The following RMC1 variants were observed in gnomAD, a reference collection of about 807,000 sequenced individuals.
RMC1 encodes the protein regulator of MON1-CCZ1 complex.
A neutral mutation model predicts 95.5 loss-of-function variants in RMC1; 44 were observed. The ratio of observed to expected loss-of-function variants is 0.46; its 90% CI spans 0.36 to 0.59. The LOEUF (loss-of-function observed/expected upper bound fraction) is 0.59, where lower values mean the gene tolerates loss of function less well. Among genes scored for constraint, RMC1 ranks in the 20% least tolerant of loss-of-function variants. RMC1 has a pLI of 0.00. For missense variants in RMC1, 705 were observed against 819.6 expected, an observed-to-expected ratio of 0.86 and a Z score of 1.71; for synonymous variants, 320 against 303.6, an observed-to-expected ratio of 1.05 and a Z score of -0.56.
intron 15 of RMC1, 104 bp from the exon 16 acceptor site, chr18:23,529,531 G>A: frequency 7.9e-7 from 1 of 1,264,630 alleles, no homozygotes; most frequent in Non-Finnish European, 1.1e-6. Context: ...GATGAACACT[G>A]GGCCATTTTA....
intron 14 of RMC1, 135 bp from the exon 15 acceptor site, chr18:23,529,044 G>A: frequency 3.6e-6 from 5 of 1,407,084 alleles, no homozygotes; most frequent in Non-Finnish European, 4.7e-6. Flanking sequence ...GGAAAAAGTT[G>A]TATCTAAGTA....
chr18:23,509,337 C>T lies in RMC1; in HGVS notation c.408+58C>T, dbSNP rs533183865. ...AAGTTCAGTGATAGCATTCTGGCAG[C>T]CTTTTGAATTCAGTACTGAATATAT... On this transcript the variant is annotated intron_variant, in intron 5 of 19. Coordinates refer to ENST00000269221, the MANE Select transcript of RMC1 (RefSeq NM_013326.5). 9 of 767,430 alleles carry T rather than the reference C, an allele frequency of 1.2e-5. No homozygotes were observed. The South Asian group carries it at 2.2e-4, about 19-fold the overall frequency. The allele number at this position is 767,430 out of a possible 1,614,324, so 47.5% of individuals were successfully genotyped here. A position where few individuals can be genotyped will look rare whatever the true frequency, so the allele number is the denominator to read the frequency against.
chr18:23,519,155 T>C lies in RMC1; in HGVS notation c.830T>C (p.Val277Ala). 1 of 1,614,064 alleles carries C rather than the reference T, an allele frequency of 6.2e-7. No individual in the cohort carries two copies. The highest frequency in any genetic ancestry group is 8.5e-7 in the Non-Finnish European group (1 of 1,179,938). The change falls in exon 9 of 20, where the codon GTG becomes GCG. Residue 277 changes from valine to alanine, a missense_variant. By Grantham distance (64) the Val-to-Ala change is moderately conservative. Transcript: ENST00000269221. ...ALNVVDNLVV[V>A]HHQDTETSVI... ...AACGTGGTGGACAACCTGGTAGTCG[T>C]GCATCATCAGGATACAGAGGTACAA...
chr18:23,515,949 C>T lies in RMC1; in HGVS notation c.502C>T (p.Leu168=). Residue 168 remains leucine, a synonymous_variant, in exon 6 of 20, where the codon CTG becomes TTG. Coordinates refer to ENST00000269221, the MANE Select transcript of RMC1 (RefSeq NM_013326.5). ...MYCPESAVIL[L]STTVLENVLQ... is the part of the protein sequence containing the mutation. ...CTGCCCCGAGAGCGCCGTGATCTTG[C>T]TGTCTACCACGGTCCTGGAGAATGT... 1.9e-6 allele frequency: 3 copies of T among 1,614,182 alleles called. No homozygotes were observed. The highest frequency in any genetic ancestry group is 2.2e-5 in the South Asian group (2 of 91,078).
intron 9 of RMC1, among the ~76,000 whole-genome samples, chr18:23,519,694 G>C (rs1031241513): frequency 2.6e-5 from 4 of 152,320 alleles, no homozygotes; most frequent in African/African-American, 9.6e-5. Context: ...TAACGCTTGA[G>C]ATTTGACCTT....
At chr18:23,529,488 G>A (rs1407491715) in intron 15 of RMC1, 147 bp from the exon 16 acceptor site, 18 of 1,240,786 alleles carry the variant, frequency 1.5e-5, no homozygotes, top group Non-Finnish European at 2.0e-5. Flanking sequence ...GTTGACGGGT[G>A]GTTCTGGAGC....
chr18:23,516,346 A>G lies in RMC1; in HGVS notation c.576A>G (p.Lys192=). The change falls in exon 7 of 20, where the codon AAA becomes AAG. Residue 192 remains lysine, a synonymous_variant. Transcript: ENST00000269221. ...CTGGCACTATGTCGAAGCTGCCCAA[A>G]TTTGAGATTGAATTACCAGCTGCGC... is the stretch of plus-strand genomic sequence containing the variant. ...FRAGTMSKLP[K]FEIELPAAPK... The G allele has an allele frequency of 6.2e-7, 1 of 1,614,238 alleles. No homozygotes were observed. Among genetic ancestry groups the G allele is most frequent in the Non-Finnish European group, 8.5e-7 (1 of 1,180,048 alleles).
chr18:23,531,710 C>T lies in RMC1; in HGVS notation c.*6C>T, dbSNP rs1430190828. ...TGAGGCCTACAACATTCTGAAATCA[C>T]TTGCTGTTTTTTTATATAAAAATGT... On this transcript the variant is annotated 3_prime_UTR_variant, in exon 20 of 20. Coordinates refer to ENST00000269221, the MANE Select transcript of RMC1 (RefSeq NM_013326.5). The T allele has an allele frequency of 2.5e-6, 4 of 1,600,762 alleles. No homozygotes were observed. The highest frequency in any genetic ancestry group is 3.4e-6 in the Non-Finnish European group (4 of 1,176,800).
chr18:23,517,943 C>T (rs896560498), intron 7 of RMC1, among the ~76,000 whole-genome samples: 5 of 152,152 alleles, frequency 3.3e-5, no homozygotes, highest in Non-Finnish European at 7.3e-5. Context: ...GTCTTGAACT[C>T]CTGGGCTCGG....
chr18:23,523,844 A>G (rs1032491051), intron 10 of RMC1, among the ~76,000 whole-genome samples: 5 of 152,230 alleles, frequency 3.3e-5, no homozygotes, highest in African/African-American at 1.2e-4. Flanking sequence ...GTGCATATGT[A>G]AACGATCATG....
chr18:23,517,300 C>T (rs887125877), intron 7 of RMC1, among the ~76,000 whole-genome samples: 1 of 151,646 alleles, frequency 6.6e-6, no homozygotes, highest in African/African-American at 2.4e-5. Flanking sequence ...CAGGTGCGTG[C>T]CACCATGCCC....
intron 12 of RMC1, among the ~76,000 whole-genome samples, chr18:23,524,987 C>T (rs2058253957): frequency 8.1e-6 from 1 of 123,028 alleles, no homozygotes. Flanking sequence ...TTGCTCGTTG[C>T]CCAGGCTGGA....
In RMC1 at chr18:23,510,198, C is replaced by T. The variant is rs1265922343; in HGVS notation, c.408+919C>T. On this transcript the variant is annotated intron_variant, in intron 5 of 19. Coordinates refer to ENST00000269221, the MANE Select transcript of RMC1 (RefSeq NM_013326.5). ...TGTTAGTCAGGCATGGTGGTGTGCG[C>T]CTGTAGTCCCAGCTACTTGGGAGGC... 4.6e-5 allele frequency among the ~76,000 whole-genome samples: 7 copies of T among 151,586 alleles called. No individual in the cohort carries two copies. The East Asian group carries it at 1.4e-3, about 29-fold the overall frequency.
chr18:23,524,514 A>T lies in RMC1; in HGVS notation c.1060+32A>T, dbSNP rs76115546. 2,545 of 1,609,260 alleles carry T rather than the reference A, an allele frequency of 1.6e-3. 37 individuals are homozygous for T. In the African/African-American group the frequency reaches 0.031, roughly 19 times the overall value. The stretch of plus-strand genomic sequence containing the variant: ...CAGCGGGGACAGTTGTCGTGTTACA[A>T]CATGGTGCTTGTTGACTTTGGATCC... On this transcript the variant is annotated intron_variant, in intron 12 of 19. Transcript: ENST00000269221.
chr18:23,520,344 T>C, intron 10 of RMC1, 31 bp downstream of exon 10: 1 of 1,540,772 alleles, frequency 6.5e-7, no homozygotes, highest in Non-Finnish European at 9.0e-7. Context: ...GAGTCTGTGC[T>C]GCCCTTTCAC....
chr18:23,507,548 GC>G (rs2057746477), intron 3 of RMC1, among the ~76,000 whole-genome samples: 1 of 152,158 alleles, frequency 6.6e-6, no homozygotes, highest in Non-Finnish European at 1.5e-5. Flanking sequence ...AGTTGAAGCA[GC>G]CTACAGGCAC....
rs146040165 is a variant in RMC1, at chr18:23,516,933, C to T, written c.653+510C>T. Reference sequence around the variant, plus strand: ...TAGAGACAGGGCTTCACCATGTTGGCCAGGCTGGTCTCGAACTCCTGACCT... The same window carrying T: ...TAGAGACAGGGCTTCACCATGTTGGTCAGGCTGGTCTCGAACTCCTGACCT... On this transcript the variant is annotated intron_variant, in intron 7 of 19. Coordinates refer to ENST00000269221, the MANE Select transcript of RMC1 (RefSeq NM_013326.5). Among the ~76,000 whole-genome samples, 3,489 of 151,994 alleles carry T rather than the reference C, an allele frequency of 0.023. 240 individuals carry two copies. In the East Asian group the frequency reaches 0.29, roughly 13 times the overall value.
intron 2 of RMC1, among the ~76,000 whole-genome samples, chr18:23,505,424 T>C (rs1465636999): frequency 6.6e-6 from 1 of 152,208 alleles, no homozygotes; most frequent in Non-Finnish European, 1.5e-5. Flanking sequence ...TCTGGGTCTG[T>C]GTAACTGAAG....
At chr18:23,511,120 T>C (rs1283122958) in intron 5 of RMC1, among the ~76,000 whole-genome samples, 2 of 152,244 alleles carry the variant, frequency 1.3e-5, no homozygotes, top group Non-Finnish European at 2.9e-5. Context: ...ATGTGGTACA[T>C]ATATACCATG....
Sources: allele counts gnomAD v4.1 joint callset (sites outside exome capture counted in the v4.1 genomes callset), GRCh38; gene constraint gnomAD v4.1.1; transcripts MANE v1.5; gene names NCBI Gene and HGNC (gene_info 2026-07-23, HGNC 2026-07-21).